LRIF1: variants seen among roughly 807,000 people sequenced by gnomAD.
LRIF1 encodes the protein ligand-dependent nuclear receptor-interacting factor 1.
LRIF1 carries 32 observed loss-of-function variants against 52.7 expected under a neutral mutation model. The observed-to-expected ratio is 0.61, with a 90% CI of 0.46 to 0.82. The LOEUF (loss-of-function observed/expected upper bound fraction) is 0.82. Among genes scored for constraint, LRIF1 ranks in the 40% least tolerant of loss-of-function variants. The pLI is 0.00. For missense variants in LRIF1, 887 were observed against 892.0 expected, an observed-to-expected ratio of 0.99 and a Z score of 0.07; for synonymous variants, 323 against 317.4, an observed-to-expected ratio of 1.02 and a Z score of -0.19.
chr1:110,890,717 A>G, the LRIF1 span, among the ~76,000 whole-genome samples: 15 of 152,236 alleles, frequency 9.9e-5, no homozygotes, highest in Non-Finnish European at 1.6e-4. Context: ...TGAAAAAAAT[A>G]AAGCTTACAT....
In LRIF1 at chr1:110,963,717, C is replaced by A; in HGVS notation, c.-29G>T. The A allele has an allele frequency of 6.4e-7, 1 of 1,570,866 alleles. No homozygotes were observed. Among genetic ancestry groups the A allele is most frequent in the Non-Finnish European group, 8.7e-7 (1 of 1,146,364 alleles). On this transcript the variant is annotated 5_prime_UTR_variant, in exon 1 of 4. Coordinates refer to ENST00000369763, the MANE Select transcript of LRIF1 (RefSeq NM_018372.4). ...AGTGGGGAGAAAGGGGACACCTCAT[C>A]CAGAAAAGTGGGAAGCGTGGGGCCG... is the stretch of plus-strand genomic sequence containing the variant.
the LRIF1 span, among the ~76,000 whole-genome samples, chr1:110,907,151 C>A: frequency 1.3e-5 from 2 of 152,044 alleles, no homozygotes; most frequent in African/African-American, 2.4e-5. Context: ...TGAAAAATAG[C>A]CAAATCCCCC....
chr1:110,889,490 G>A, the LRIF1 span, among the ~76,000 whole-genome samples: 2 of 152,060 alleles, frequency 1.3e-5, no homozygotes, highest in African/African-American at 4.8e-5. Flanking sequence ...TCTGGAAGGT[G>A]GAGGTTGCAG....
intron 2 of LRIF1, among the ~76,000 whole-genome samples, chr1:110,951,078 T>G (rs943270876): frequency 1.3e-5 from 2 of 152,194 alleles, no homozygotes; most frequent in African/African-American, 4.8e-5. Context: ...AGAGAAAGAC[T>G]GTACTCCTTT....
the LRIF1 span, among the ~76,000 whole-genome samples, chr1:110,929,936 A>G: frequency 6.6e-6 from 1 of 152,186 alleles, no homozygotes; most frequent in Non-Finnish European, 1.5e-5. Context: ...GTGACGAAAT[A>G]ATCTGTACAT....
intron 1 of LRIF1, among the ~76,000 whole-genome samples, chr1:110,958,783 T>C (rs995233007): frequency 1.3e-5 from 2 of 152,226 alleles, no homozygotes; most frequent in Non-Finnish European, 2.9e-5. Context: ...CATATCTATA[T>C]ACTCCGCATC....
chr1:110,946,216 TA>T (rs532896951), downstream of LRIF1, among the ~76,000 whole-genome samples: 202 of 152,196 alleles, frequency 1.3e-3, 1 homozygote, highest in Middle Eastern at 6.8e-3. Flanking sequence ...TTAGACTAAG[TA>T]AAAAAACACC....
In LRIF1 at chr1:110,957,470, C is replaced by CAAAAAAAA. The variant is rs34396800; in HGVS notation, c.69-4663_69-4656dup. On this transcript the variant is annotated intron_variant, in intron 1 of 3. Coordinates refer to ENST00000369763, the MANE Select transcript of LRIF1 (RefSeq NM_018372.4). The stretch of plus-strand genomic sequence containing the variant: ...TGGGCGACAAAGCAAGACTCAGTCT[C>CAAAAAAAA]AAAAAAAAAAAAAAAAAAAAAAGAC... Among the ~76,000 whole-genome samples, 217 of 42,790 alleles carry CAAAAAAAA rather than the reference C, an allele frequency of 5.1e-3. 36 individuals carry two copies. Among genetic ancestry groups the CAAAAAAAA allele is most frequent in the East Asian group, 0.011 (12 of 1,096 alleles). 28.1% of individuals were successfully genotyped at this position (42,790 alleles called of 152,430 possible). A position where few individuals can be genotyped will look rare whatever the true frequency, so the allele number is the denominator to read the frequency against.
the LRIF1 span, among the ~76,000 whole-genome samples, chr1:110,902,495 T>TAAAAAAAAAAAAAAAAAAAAAAAACAAA: frequency 1.4e-5 from 1 of 72,664 alleles, no homozygotes; most frequent in Non-Finnish European, 2.5e-5. Context: ...AATCAATCAC[T>TAAAAAAAAAAAAAAAAAAAAAAAACAAA]AAAAAAAAAA....
the LRIF1 span, among the ~76,000 whole-genome samples, chr1:110,898,697 T>A: frequency 0.37 from 1,157 of 3,140 alleles, 9 homozygotes; most frequent in Non-Finnish European, 0.38. Context: ...ATTTCTAACA[T>A]TTTTCTACCC....
the LRIF1 span, among the ~76,000 whole-genome samples, chr1:110,877,952 C>T: frequency 1.3e-5 from 2 of 152,216 alleles, no homozygotes; most frequent in Non-Finnish European, 2.9e-5. Flanking sequence ...CTCCTGGATG[C>T]TCAACACATT....
the LRIF1 span, among the ~76,000 whole-genome samples, chr1:110,922,993 A>C: frequency 0.42 from 63,448 of 151,988 alleles, 14,285 homozygotes; most frequent in East Asian, 0.69. Context: ...ATAATCCAGG[A>C]TAACTTCCAC....
chr1:110,943,150 C>G (rs1658129668), downstream of LRIF1, among the ~76,000 whole-genome samples: 1 of 152,124 alleles, frequency 6.6e-6, no homozygotes. Flanking sequence ...ATGCTATTGA[C>G]AGGTCAAGTA....
chr1:110,895,907 G>T, the LRIF1 span, among the ~76,000 whole-genome samples: 2 of 151,912 alleles, frequency 1.3e-5, no homozygotes, highest in Non-Finnish European at 2.9e-5. Flanking sequence ...AAATATAAAA[G>T]AACTTCTTTT....
the LRIF1 span, among the ~76,000 whole-genome samples, chr1:110,924,174 CAGAAAACATG>C: frequency 2.0e-5 from 3 of 151,930 alleles, no homozygotes; most frequent in Non-Finnish European, 4.4e-5. Context: ...ATATTTCAAG[CAGAAAACATG>C]ACTAGTCCAA....
the LRIF1 span, among the ~76,000 whole-genome samples, chr1:110,920,944 A>G: frequency 3.0e-4 from 46 of 152,208 alleles, no homozygotes; most frequent in African/African-American, 1.1e-3. Flanking sequence ...GTTAGGAGAA[A>G]TTCTAAAAGA....
the LRIF1 span, among the ~76,000 whole-genome samples, chr1:110,914,249 C>A: frequency 6.6e-6 from 1 of 151,844 alleles, no homozygotes; most frequent in Non-Finnish European, 1.5e-5. Flanking sequence ...CATCAAACCC[C>A]AGCAACACAC....
chr1:110,913,466 A>C, the LRIF1 span, among the ~76,000 whole-genome samples: 2 of 152,244 alleles, frequency 1.3e-5, no homozygotes, highest in Non-Finnish European at 2.9e-5. Flanking sequence ...AGGAGAAAAC[A>C]ACCCCATTAA....
chr1:110,940,499 A>T, the LRIF1 span: 1 of 152,244 alleles, frequency 6.6e-6, no homozygotes, highest in Non-Finnish European at 1.5e-5. Flanking sequence ...CCAAAAAAAG[A>T]AATCAGTATA....
Sources: allele counts gnomAD v4.1 joint callset (sites outside exome capture counted in the v4.1 genomes callset), GRCh38; gene constraint gnomAD v4.1.1; transcripts MANE v1.5; gene names NCBI Gene and HGNC (gene_info 2026-07-23, HGNC 2026-07-21).